Variants in CALHM4 observed in about 807,000 individuals in gnomAD.
CALHM4 encodes calcium homeostasis modulator protein 4.
CALHM4 carries 16 observed loss-of-function variants against 13.3 expected under a neutral mutation model. That is an observed-to-expected ratio of 1.20 (90% CI 0.81 to 1.82). CALHM4 has a LOEUF of 1.82. Among genes scored for constraint, CALHM4 ranks in the 40% most tolerant of loss-of-function variants. The probability of loss-of-function intolerance (pLI) is 0.00; values close to 1 mark genes in which losing one functional copy is unlikely to be tolerated. For synonymous variants in CALHM4, 127 were observed against 137.1 expected (o/e 0.93, Z 0.52); for missense variants, 344 against 374.9 (o/e 0.92, Z 0.68).
chr6:116,534,456 A>G (rs1035517779), intron 1 of CALHM4, among the ~76,000 whole-genome samples: 1 of 147,488 alleles, frequency 6.8e-6, no homozygotes, highest in African/African-American at 2.5e-5. Context: ...TCAGAAGCAG[A>G]AGAAAAAAAA....
chr6:116,557,482 G>T (rs1277383211), intron 1 of CALHM4, among the ~76,000 whole-genome samples: 1 of 152,150 alleles, frequency 6.6e-6, no homozygotes. Flanking sequence ...TGAGAAGTAA[G>T]GTTGAACTAA....
intron 1 of CALHM4, 129 bp from the exon 2 acceptor site, chr6:116,557,696 G>A: frequency 9.4e-7 from 1 of 1,063,364 alleles, no homozygotes; most frequent in Admixed American, 2.6e-5. Context: ...ATATACTAAA[G>A]ATGGGAAAAG....
intron 1 of CALHM4, chr6:116,540,421 G>A: frequency 6.4e-7 from 1 of 1,551,280 alleles, no homozygotes; most frequent in Non-Finnish European, 8.7e-7. Context: ...GCAGGATCGA[G>A]CCAAAAAGTC....
At chr6:116,532,123 A>G (rs1294227153) in intron 1 of CALHM4, among the ~76,000 whole-genome samples, 1 of 152,172 alleles carries the variant, frequency 6.6e-6, no homozygotes, top group Non-Finnish European at 1.5e-5. Context: ...CTGCTTCTGC[A>G]TGTAGTGTTA....
In CALHM4 at chr6:116,553,866, G is replaced by C. The variant is rs913828857; in HGVS notation, c.73G>C (p.Ala25Pro). The C allele has an allele frequency of 1.4e-5, 21 of 1,550,516 alleles. No individual in the cohort carries two copies. The Admixed American group carries it at 2.7e-4, about 20-fold the overall frequency. ...NGIFINSLIAALTIGGQQLFS... is the reference protein window; with the variant it reads ...NGIFINSLIAPLTIGGQQLFS... ...AATATTTATCAATTCTTTAATTGCA[G>C]CCTTGACTATTGGTGGGCAACAACT... The change falls in exon 1 of 2, where the codon GCC becomes CCC. Residue 25 changes from alanine to proline, a missense_variant. Physicochemically the swap from Ala to Pro is conservative, Grantham distance 27. Coordinates refer to ENST00000368596, the MANE Select transcript of CALHM4 (RefSeq NM_001366078.2).
upstream of CALHM4, among the ~76,000 whole-genome samples, chr6:116,549,734 G>A (rs1247694010): frequency 6.6e-6 from 1 of 151,458 alleles, no homozygotes; most frequent in Non-Finnish European, 1.5e-5. Flanking sequence ...CCAGCACTTT[G>A]GGAGGCCGAG....
intron 2 of CALHM4, chr6:116,543,966 A>C: frequency 9.6e-7 from 1 of 1,046,108 alleles, no homozygotes; most frequent in Non-Finnish European, 1.4e-6. Flanking sequence ...AGTAAATTAT[A>C]AATGAAAACT....
chr6:116,548,178 G>A (rs1271077497), intron 2 of CALHM4, among the ~76,000 whole-genome samples: 20 of 152,176 alleles, frequency 1.3e-4, no homozygotes. Context: ...TTATAAAAGG[G>A]CTGGAAGGAA....
Position 116,554,177 on chromosome 6 carries a change from T to C in CALHM4, c.384T>C (p.Tyr128=), listed in dbSNP as rs1352295268. 1.7e-5 allele frequency: 26 copies of C among 1,550,590 alleles called. No homozygotes were observed. The highest frequency in any genetic ancestry group is 1.7e-4 in the Middle Eastern group (1 of 5,990). The change falls in exon 1 of 2, where the codon TAT becomes TAC. Residue 128 remains tyrosine (Y), a synonymous_variant. Transcript: ENST00000368596. ...WLAVTLLTGT[Y]YECAASEFAS... is the part of the protein sequence containing the mutation. The stretch of plus-strand genomic sequence containing the variant: ...CGGTGACCCTGCTGACAGGCACGTA[T>C]TATGAATGTGCAGCAAGTGAATTTG...
exon 2 of CALHM4, chr6:116,543,814 A>G (rs1290064090): frequency 2.6e-6 from 4 of 1,534,064 alleles, no homozygotes; most frequent in Non-Finnish European, 3.5e-6. Flanking sequence ...ACAATCCCTA[A>G]TGGCCCCCAG....
chr6:116,545,507 C>T (rs368624449), intron 2 of CALHM4: 18 of 1,547,286 alleles, frequency 1.2e-5, no homozygotes, highest in African/African-American at 6.9e-5. Context: ...GTGTGCAGGG[C>T]GAGACATAGT....
upstream of CALHM4, among the ~76,000 whole-genome samples, chr6:116,551,505 G>A (rs923186901): frequency 5.3e-5 from 8 of 151,876 alleles, no homozygotes; most frequent in East Asian, 5.8e-4. Context: ...TCAGGTTGGT[G>A]CAAATGTAAT....
At chr6:116,540,859 C>T (rs1037049525) in intron 1 of CALHM4, among the ~76,000 whole-genome samples, 1 of 151,918 alleles carries the variant, frequency 6.6e-6, no homozygotes, top group African/African-American at 2.4e-5. Context: ...TGTGTGATAC[C>T]CGGATGCTCG....
At chr6:116,551,581 T>C (rs948698230), upstream of CALHM4, among the ~76,000 whole-genome samples, 4 of 152,216 alleles carry the variant, frequency 2.6e-5, no homozygotes, top group Admixed American at 6.5e-5. Context: ...TTCCATTGTA[T>C]GAATGTATAA....
At chr6:116,557,565 C>T (rs934487642) in intron 1 of CALHM4, among the ~76,000 whole-genome samples, 1 of 152,200 alleles carries the variant, frequency 6.6e-6, no homozygotes. Flanking sequence ...AAGGACAGTA[C>T]TTAGAATCCA....
In CALHM4 at chr6:116,547,607, T is replaced by A. The variant is rs141993959; in HGVS notation, c.-1+3735T>A. On this transcript the variant is annotated intron_variant, in intron 2 of 2. Transcript: ENST00000368597. The stretch of plus-strand genomic sequence containing the variant: ...ATGAAACCTGCTAGTCTTCAGCAGC[T>A]CTTAGGATGCAAGTGAGCCCTGTGT... 5.3e-3 allele frequency among the ~76,000 whole-genome samples: 809 copies of A among 152,340 alleles called. 6 individuals carry two copies. Among genetic ancestry groups the A allele is most frequent in the Middle Eastern group, 0.034 (10 of 294 alleles).
intron 2 of CALHM4, among the ~76,000 whole-genome samples, chr6:116,548,721 G>A (rs1410411180): frequency 1.3e-5 from 2 of 152,110 alleles, no homozygotes; most frequent in Admixed American, 1.3e-4. Context: ...CTCATGTACC[G>A]AGCAGCATAG....
At chr6:116,543,344 A>G (rs1372111796) in intron 1 of CALHM4, 1 of 1,549,900 alleles carries the variant, frequency 6.5e-7, no homozygotes, top group Admixed American at 2.0e-5. Context: ...CCTTCTCATA[A>G]TCCTTACACA....
chr6:116,538,649 T>A (rs1032136367), intron 1 of CALHM4, among the ~76,000 whole-genome samples: 1 of 152,190 alleles, frequency 6.6e-6, no homozygotes, highest in African/African-American at 2.4e-5. Context: ...CAGGTTTTAT[T>A]TTCCACATTA....
Sources: allele counts gnomAD v4.1 joint callset (sites outside exome capture counted in the v4.1 genomes callset), GRCh38; gene constraint gnomAD v4.1.1; transcripts MANE v1.5; gene names NCBI Gene and HGNC (gene_info 2026-07-23, HGNC 2026-07-21).